The following PCDH11X variants were observed in gnomAD, a reference collection of about 807,000 sequenced individuals.
PCDH11X encodes protocadherin 11 X-linked.
In PCDH11X, 18 loss-of-function variants were observed where a neutral mutation model predicts 53.3. That is an observed-to-expected ratio of 0.34 (90% confidence interval 0.23 to 0.50). The LOEUF (loss-of-function observed/expected upper bound fraction) is 0.50, where lower values mean the gene tolerates loss of function less well. PCDH11X is among the 20% of genes least tolerant of loss of function. The pLI is 0.98. For missense variants in PCDH11X, 570 were observed against 1,032.4 expected (o/e 0.55, Z 6.14); for synonymous variants, 279 against 393.3 (o/e 0.71, Z 3.44).
At chrX:92,379,975 AC>A (rs368443512) in intron 8 of PCDH11X, among the ~76,000 whole-genome samples, 29 of 94,300 alleles carry the variant, frequency 3.1e-4, no homozygotes, top group Middle Eastern at 0.011. Context: ...CTGAAACACC[AC>A]CCCCCCCACC....
At chrX:92,549,176 TAAGA>T (rs1019730827) in intron 10 of PCDH11X, among the ~76,000 whole-genome samples, 1 of 103,063 alleles carries the variant, frequency 9.7e-6, no homozygotes, top group African/African-American at 3.5e-5. Context: ...AATGTCTAAT[TAAGA>T]AAGTACATAT....
rs1169870020 is a variant in PCDH11X, at chrX:91,907,405, A to ACCCC, written c.3033+28133_3033+28134insCCCC. Among the ~76,000 whole-genome samples, 144 of 72,571 alleles carry ACCCC rather than the reference A, an allele frequency of 2.0e-3. 3 individuals are homozygous for ACCCC. Among genetic ancestry groups the ACCCC allele is most frequent in the African/African-American group, 7.6e-3 (139 of 18,352 alleles). The allele number at this position is 72,571 out of a possible 115,157, so 63.0% of individuals were successfully genotyped here. A position where few individuals can be genotyped will look rare whatever the true frequency, so the allele number is the denominator to read the frequency against. ...CACACACACACACACACACACACAC[A>ACCCC]CACACACAGAGAGAGAGAGAGAGAG... On this transcript the variant is annotated intron_variant, in intron 6 of 10. Transcript: ENST00000682573.
At chrX:92,610,814 G>A (rs1927287416) in intron 10 of PCDH11X, among the ~76,000 whole-genome samples, 1 of 110,660 alleles carries the variant, frequency 9.0e-6, no homozygotes, top group Non-Finnish European at 1.9e-5. Context: ...TCTACATGTG[G>A]CTAGTCAACT....
At position 92,620,447 on chromosome X, in the gene PCDH11X, C is replaced by T. The variant is rs1467426283; in HGVS notation, c.*1507C>T. On this transcript the variant is annotated 3_prime_UTR_variant, in exon 11 of 11. Coordinates refer to ENST00000682573, the MANE Select transcript of PCDH11X (RefSeq NM_032968.5). ...TACCTTGTTTCAGTATAACACTAAA[C>T]CAAGAGACAATTGATGTTTAATGGG... 1.0e-5 allele frequency: 1 copy of T among 97,759 alleles called. No individual in the cohort carries two copies. The highest frequency in any genetic ancestry group is 3.7e-5 in the African/African-American group (1 of 26,833). 8.1% of individuals were successfully genotyped at this position (97,759 alleles called of 1,213,427 possible). A position where few individuals can be genotyped will look rare whatever the true frequency, so the allele number is the denominator to read the frequency against.
intron 6 of PCDH11X, among the ~76,000 whole-genome samples, chrX:92,123,436 T>G (rs1444856035): frequency 2.7e-5 from 3 of 111,626 alleles, no homozygotes; most frequent in African/African-American, 9.8e-5. Flanking sequence ...TCTAAGACCT[T>G]TCTCTTGATG....
chrX:92,275,670 C>A (rs2068071479), intron 8 of PCDH11X, among the ~76,000 whole-genome samples: 1 of 111,993 alleles, frequency 8.9e-6, no homozygotes, highest in East Asian at 2.8e-4. Flanking sequence ...AGATTCTGAA[C>A]TAACTTGTAA....
At chrX:92,157,382 C>T (rs1171152892) in intron 6 of PCDH11X, among the ~76,000 whole-genome samples, 1 of 111,439 alleles carries the variant, frequency 9.0e-6, no homozygotes, top group Non-Finnish European at 1.9e-5. Context: ...TTTATTCCTA[C>T]TGAGTATTAA....
At chrX:92,523,097 G>A (rs749276827) in intron 10 of PCDH11X, among the ~76,000 whole-genome samples, 2 of 112,222 alleles carry the variant, frequency 1.8e-5, no homozygotes, top group African/African-American at 3.2e-5. Context: ...TTTAAAATGT[G>A]TCTTATTTTA....
At chrX:92,480,982 G>T (rs1223520153) in intron 10 of PCDH11X, among the ~76,000 whole-genome samples, 1 of 110,670 alleles carries the variant, frequency 9.0e-6, no homozygotes, top group Non-Finnish European at 1.9e-5. Flanking sequence ...CCCCTCTGGT[G>T]ACTGTGCATG....
At chrX:92,106,643 A>T (rs756291830) in intron 6 of PCDH11X, among the ~76,000 whole-genome samples, 4 of 112,291 alleles carry the variant, frequency 3.6e-5, no homozygotes, top group East Asian at 2.8e-4. Flanking sequence ...AAAAATTTTT[A>T]AAAGCCATAT....
At chrX:92,285,550 G>A (rs984724056) in intron 8 of PCDH11X, among the ~76,000 whole-genome samples, 2 of 111,394 alleles carry the variant, frequency 1.8e-5, no homozygotes, top group African/African-American at 3.3e-5. Flanking sequence ...ACTGCACTCA[G>A]CCTGTAGAAA....
intron 5 of PCDH11X, among the ~76,000 whole-genome samples, chrX:91,839,626 A>T (rs770462093): frequency 6.3e-4 from 70 of 110,366 alleles, no homozygotes; most frequent in African/African-American, 1.9e-3. Flanking sequence ...AAATAAAATT[A>T]AAAAAATTAA....
chrX:92,311,593 A>T (rs908106028), intron 8 of PCDH11X, among the ~76,000 whole-genome samples: 1 of 110,773 alleles, frequency 9.0e-6, no homozygotes, highest in African/African-American at 3.3e-5. Flanking sequence ...TTTGCTTGAG[A>T]AGCCACCACA....
At chrX:92,419,825 G>A (rs1256969868) in intron 9 of PCDH11X, among the ~76,000 whole-genome samples, 4 of 106,638 alleles carry the variant, frequency 3.8e-5, no homozygotes, top group East Asian at 6.0e-4. Flanking sequence ...GACTACAGGC[G>A]CGCGCCACCA....
chrX:91,901,582 G>A (rs57867829), intron 6 of PCDH11X, among the ~76,000 whole-genome samples: 8,566 of 109,752 alleles, frequency 0.078, 304 homozygotes, highest in African/African-American at 0.14. Context: ...ACTTTAAGGG[G>A]GATGTTTATA....
intron 4 of PCDH11X, among the ~76,000 whole-genome samples, chrX:91,824,339 C>T (rs1227289144): frequency 3.6e-5 from 4 of 110,467 alleles, no homozygotes; most frequent in African/African-American, 1.3e-4. Context: ...GGTCTTTTCA[C>T]ATAGTCCCAT....
At chrX:91,872,807 A>G (rs753212705) in intron 5 of PCDH11X, among the ~76,000 whole-genome samples, 15 of 109,373 alleles carry the variant, frequency 1.4e-4, no homozygotes, top group African/African-American at 4.6e-4. Context: ...ATGGTCAAAC[A>G]TATGGCAAAA....
intron 6 of PCDH11X, among the ~76,000 whole-genome samples, chrX:92,136,550 T>A (rs1307042220): frequency 9.5e-6 from 1 of 105,817 alleles, no homozygotes; most frequent in African/African-American, 3.5e-5. Context: ...TAAATAAAGG[T>A]TTATTGGAAT....
rs754728542 is a variant in PCDH11X, at chrX:91,802,462, C to G, written c.-378-7004C>G. On this transcript the variant is annotated intron_variant, in intron 1 of 10. Coordinates refer to ENST00000682573, the MANE Select transcript of PCDH11X (RefSeq NM_032968.5). The stretch of plus-strand genomic sequence containing the variant: ...AATTTATCTTTGCATATTTAAACAT[C>G]CTACTCCTCACCCCATATTAAAGTT... Among the ~76,000 whole-genome samples the G allele has an allele frequency of 3.0e-3, 339 of 111,599 alleles. 1 individual carries two copies. Among genetic ancestry groups the G allele is most frequent in the African/African-American group, 0.01 (321 of 30,767 alleles).
Sources: gnomAD v4.1 joint callset for allele counts (sites outside exome capture counted in the v4.1 genomes callset) on GRCh38, gnomAD v4.1.1 for gene constraint, MANE v1.5 for transcripts, NCBI Gene and HGNC (gene_info 2026-07-23, HGNC 2026-07-21) for gene names.